ODAD3: variants seen among roughly 807,000 people sequenced by gnomAD.
The protein encoded by ODAD3 is outer dynein arm docking complex subunit 3.
In ODAD3, 57 loss-of-function variants were observed where a neutral mutation model predicts 70.9. That is an observed-to-expected ratio of 0.80 (90% confidence interval 0.65 to 1.00). The LOEUF (loss-of-function observed/expected upper bound fraction) is 1.00. Among genes scored for constraint, ODAD3 ranks in the 50% least tolerant of loss-of-function variants. ODAD3 has a pLI of 0.00. For missense variants in ODAD3, 797 were observed against 763.9 expected (o/e 1.04, Z -0.51); for synonymous variants, 327 against 315.9 (o/e 1.04, Z -0.37).
At chr19:11,425,714 A>T (rs956337349) in intron 7 of ODAD3, among the ~76,000 whole-genome samples, 10 of 138,390 alleles carry the variant, frequency 7.2e-5, no homozygotes, top group African/African-American at 3.4e-4. Flanking sequence ...ACAACAACCC[A>T]AAAAACAAAA....
chr19:11,434,441 G>A, intron 1 of ODAD3: 2 of 178,968 alleles, frequency 1.1e-5, no homozygotes, highest in Non-Finnish European at 2.4e-5. Context: ...AAGAGGCTGA[G>A]GCAGGAGAAT....
rs534654754 is a variant in ODAD3 at position 11,426,396 on chromosome 19, G to A, written c.840+50C>T. The stretch of plus-strand genomic sequence containing the variant: ...ACAGCTGAGGTCAGATTCTCAAGCT[G>A]GGAGACCGCGGCAGCTGGGCAGGAT... On this transcript the variant is annotated intron_variant, in intron 6 of 12. Transcript: ENST00000356392. 1.9e-4 allele frequency: 314 copies of A among 1,612,146 alleles called. 3 individuals carry two copies. In the South Asian group the frequency reaches 3.2e-3, roughly 17 times the overall value.
intron 7 of ODAD3, among the ~76,000 whole-genome samples, chr19:11,425,565 G>GTATA (rs1452629748): frequency 7.8e-6 from 1 of 127,442 alleles, no homozygotes; most frequent in Non-Finnish European, 1.5e-5. Flanking sequence ...GTATATATGT[G>GTATA]TGTATGTATG....
intron 3 of ODAD3, among the ~76,000 whole-genome samples, chr19:11,427,531 A>T (rs1328757565): frequency 2.8e-5 from 4 of 143,104 alleles, no homozygotes; most frequent in Non-Finnish European, 4.6e-5. Context: ...GCCCAGGCTG[A>T]AGTGTAGTGG....
Position 11,425,664 on chromosome 19 carries a change from T to TGC in ODAD3, c.963+479_963+480insGC, listed in dbSNP as rs1969351541. 3.5e-4 allele frequency among the ~76,000 whole-genome samples: 46 copies of TGC among 131,544 alleles called. 2 individuals are homozygous for TGC. Among genetic ancestry groups the TGC allele is most frequent in the African/African-American group, 1.7e-3 (45 of 26,072 alleles). 86.3% of individuals were successfully genotyped at this position (131,544 alleles called of 152,430 possible). Reference sequence around the variant, plus strand: ...ATATGTATATACGTATATATATATATATATATGCAAAAAAAACCTATCAAA... The same window carrying TGC: ...ATATGTATATACGTATATATATATATGCATATATGCAAAAAAAACCTATCAAA... On this transcript the variant is annotated intron_variant, in intron 7 of 12. Coordinates refer to ENST00000356392, the MANE Select transcript of ODAD3 (RefSeq NM_145045.5).
intron 3 of ODAD3, among the ~76,000 whole-genome samples, chr19:11,430,168 G>A (rs1289867304): frequency 4.0e-5 from 6 of 151,130 alleles, no homozygotes; most frequent in African/African-American, 1.2e-4. Context: ...ACGGAGTTTC[G>A]CTCTTGTTGC....
chr19:11,422,377 C>T lies in ODAD3; in HGVS notation c.1434+94G>A. The T allele has an allele frequency of 7.0e-7, 1 of 1,419,870 alleles. No individual in the cohort carries two copies. Among genetic ancestry groups the T allele is most frequent in the Middle Eastern group, 2.6e-4 (1 of 3,870 alleles). The allele number at this position is 1,419,870 out of a possible 1,614,324, so 88.0% of individuals were successfully genotyped here. On this transcript the variant is annotated intron_variant, in intron 10 of 12. Transcript: ENST00000356392. The surrounding 1 kb of genome is among the most constrained non-coding windows in gnomAD (Gnocchi z 4.6). ...CAGAGGATGTGGCAGGCCACGTTCC[C>T]TCGGGCAAGCTGGTGTGGCAGGAAC...
At chr19:11,429,551 A>G (rs1250256618) in intron 3 of ODAD3, among the ~76,000 whole-genome samples, 2 of 152,078 alleles carry the variant, frequency 1.3e-5, no homozygotes, top group African/African-American at 2.4e-5. Flanking sequence ...CTGGGATTAC[A>G]GGTGCCTGCC....
At chr19:11,434,671 G>A in intron 1 of ODAD3, 102 bp downstream of exon 1, 1 of 1,442,800 alleles carries the variant, frequency 6.9e-7, no homozygotes, top group Non-Finnish European at 9.3e-7. Flanking sequence ...GCCCAGAAAC[G>A]GTTTACCTAG....
At chr19:11,426,079 A>G in intron 7 of ODAD3, 65 bp downstream of exon 7, 1 of 1,561,758 alleles carries the variant, frequency 6.4e-7, no homozygotes, top group Non-Finnish European at 8.6e-7. Context: ...AGGGAGAGCC[A>G]GGGCATGGCT....
At position 11,422,689 on chromosome 19, in the gene ODAD3, C is replaced by T; in HGVS notation, c.1277+12G>A. The T allele has an allele frequency of 6.2e-7, 1 of 1,611,162 alleles. No homozygotes were observed. Among genetic ancestry groups the T allele is most frequent in the Non-Finnish European group, 8.5e-7 (1 of 1,179,202 alleles). On this transcript the variant is annotated intron_variant, in intron 9 of 12. Coordinates refer to ENST00000356392, the MANE Select transcript of ODAD3 (RefSeq NM_145045.5). The surrounding 1 kb of genome is among the most constrained non-coding windows in gnomAD (Gnocchi z 4.6). ...CCGCCCCGCCGCCCTCCCCAGAGCC[C>T]CGGTGCCTCACCTCACCAGCGTGGC...
In ODAD3 at chr19:11,423,901, G is replaced by A. The variant is rs905470656; in HGVS notation, c.1092C>T (p.Asp364=). The stretch of plus-strand genomic sequence containing the variant: ...CGTGCGTCTCGTCAGTGCCAGTGGC[G>A]TCCTTGACCTTGCCAAAGATCACCT... ...QMEVIFGKVK[D]ATGTDETHSL... is the part of the protein sequence containing the mutation. The change falls in exon 8 of 13, where the codon GAC becomes GAT. Residue 364 remains aspartate, a synonymous_variant. Transcript: ENST00000356392. 3 of 1,612,632 alleles carry A rather than the reference G, an allele frequency of 1.9e-6. No homozygotes were observed. The highest frequency in any genetic ancestry group is 4.5e-5 in the East Asian group (2 of 44,874).
At position 11,425,672 on chromosome 19, in the gene ODAD3, C is replaced by CAA. The variant is rs145628052; in HGVS notation, c.963+470_963+471dup. On this transcript the variant is annotated intron_variant, in intron 7 of 12. Coordinates refer to ENST00000356392, the MANE Select transcript of ODAD3 (RefSeq NM_145045.5). ...ATACGTATATATATATATATATATG[C>CAA]AAAAAAAACCTATCAAACAACAACT... is the stretch of plus-strand genomic sequence containing the variant. Among the ~76,000 whole-genome samples the CAA allele has an allele frequency of 5.5e-3, 710 of 127,990 alleles. 13 individuals are homozygous for CAA. The highest frequency in any genetic ancestry group is 1.0e-2 in the South Asian group (44 of 4,416). The allele number at this position is 127,990 out of a possible 152,430, so 84.0% of individuals were successfully genotyped here. A position where few individuals can be genotyped will look rare whatever the true frequency, so the allele number is the denominator to read the frequency against.
Position 11,422,551 on chromosome 19 carries a change from G to T in ODAD3, c.1354C>A (p.Leu452Met). ...TGCATCGCCCGCAAGGCGCGCTCCA[G>T]CTGGTCCTTGGCCTCGGCGTGCCGC... ...ERRHAEAKDQLERALRAMQVA... is the reference protein window; with the variant it reads ...ERRHAEAKDQMERALRAMQVA... The change falls in exon 10 of 13, where the codon CTG becomes ATG. Residue 452 changes from leucine to methionine, a missense_variant. Transcript: ENST00000356392. The surrounding 1 kb of genome is among the most constrained non-coding windows in gnomAD (Gnocchi z 4.6). The T allele has an allele frequency of 1.3e-6, 2 of 1,591,598 alleles. No individual in the cohort carries two copies. Among genetic ancestry groups the T allele is most frequent in the Non-Finnish European group, 1.7e-6 (2 of 1,170,934 alleles).
Position 11,422,323 on chromosome 19 carries a change from C to G in ODAD3, c.1434+148G>C. ...CTCTGAGGAATGGGGTGGGGCTTCC[C>G]CTGTGGGCGGGGCCTCTGACGTCCG... On this transcript the variant is annotated intron_variant, in intron 10 of 12. Transcript: ENST00000356392. The surrounding 1 kb of genome is among the most constrained non-coding windows in gnomAD (Gnocchi z 4.6). 1 of 997,726 alleles carries G rather than the reference C, an allele frequency of 1.0e-6. No individual in the cohort carries two copies. The highest frequency in any genetic ancestry group is 1.8e-5 in the South Asian group (1 of 55,606). The allele number at this position is 997,726 out of a possible 1,614,324, so 61.8% of individuals were successfully genotyped here.
chr19:11,422,015 G>A lies in ODAD3; in HGVS notation c.1435-183C>T, dbSNP rs982013678. On this transcript the variant is annotated intron_variant, in intron 10 of 12. Transcript: ENST00000356392. The surrounding 1 kb of genome is among the most constrained non-coding windows in gnomAD (Gnocchi z 4.6). ...CCACGTCTGTGATGGGGGAGCCTCT[G>A]AACTCTAACTCTATATGTAAAGGTT... 6.6e-6 allele frequency among the ~76,000 whole-genome samples: 1 copy of A among 152,184 alleles called. No individual in the cohort carries two copies. Among genetic ancestry groups the A allele is most frequent in the African/African-American group, 2.4e-5 (1 of 41,436 alleles).
intron 7 of ODAD3, 67 bp from the exon 8 acceptor site, chr19:11,424,096 G>C: frequency 6.4e-7 from 1 of 1,557,254 alleles, no homozygotes; most frequent in South Asian, 1.1e-5. Flanking sequence ...AGGCCGGGGA[G>C]GGGGATCCAG....
chr19:11,430,651 G>A lies in ODAD3; in HGVS notation c.444+48C>T, dbSNP rs764694760. The A allele has an allele frequency of 5.0e-6, 8 of 1,589,182 alleles. No individual in the cohort carries two copies. In the African/African-American group the frequency reaches 1.1e-4, roughly 21 times the overall value. ...GTGAGCCTGGAGTCCAGTGGTGAGG[G>A]GACCCAGGCTGGAAATGAAGGAGGA... is the stretch of plus-strand genomic sequence containing the variant. On this transcript the variant is annotated intron_variant, in intron 3 of 12. Transcript: ENST00000356392.
At chr19:11,421,294 C>G in intron 11 of ODAD3, 82 bp from the exon 12 acceptor site, 3 of 1,294,350 alleles carry the variant, frequency 2.3e-6, no homozygotes, top group Non-Finnish European at 3.2e-6. Flanking sequence ...CCTCCCTACC[C>G]CATTCCGAGA....
Sources: gnomAD v4.1 joint callset for allele counts (sites outside exome capture counted in the v4.1 genomes callset) on GRCh38, gnomAD v4.1.1 for gene constraint, Gnocchi (gnomAD v3.1) non-coding constraint, MANE v1.5 for transcripts, NCBI Gene and HGNC (gene_info 2026-07-23, HGNC 2026-07-21) for gene names.